CSMD1: variants seen among roughly 807,000 people sequenced by gnomAD.
CSMD1 encodes CUB and Sushi multiple domains 1, also known as CUB and sushi domain-containing protein 1.
CSMD1 carries 213 observed loss-of-function variants against 417.5 expected under a neutral mutation model. The ratio of observed to expected loss-of-function variants is 0.51; its 90% CI spans 0.46 to 0.57. CSMD1 has a LOEUF of 0.57. Among genes scored for constraint, CSMD1 ranks in the 20% least tolerant of loss-of-function variants. The pLI is 0.00. For synonymous variants in CSMD1, 2,862 were observed against 1,736.8 expected, an observed-to-expected ratio of 1.65 and a Z score of -16.11; for missense variants, 6,923 against 4,529.7, an observed-to-expected ratio of 1.53 and a Z score of -15.17.
intron 6 of CSMD1, among the ~76,000 whole-genome samples, chr8:3,745,144 CA>C (rs1182508521): frequency 2.0e-5 from 3 of 152,194 alleles, no homozygotes; most frequent in Non-Finnish European, 2.9e-5. Flanking sequence ...ACTTTCAAAA[CA>C]AATTTCAAAA....
intron 10 of CSMD1, among the ~76,000 whole-genome samples, chr8:3,510,474 T>A (rs1797018398): frequency 6.6e-6 from 1 of 151,834 alleles, no homozygotes; most frequent in Non-Finnish European, 1.5e-5. Flanking sequence ...CTCAATATCA[T>A]CTTACAGGGT....
chr8:3,146,035 G>A (rs1232063288), intron 40 of CSMD1, among the ~76,000 whole-genome samples: 2 of 152,166 alleles, frequency 1.3e-5, no homozygotes, highest in Non-Finnish European at 2.9e-5. Context: ...CCTTCTGTGT[G>A]TAATAAAATA....
chr8:4,131,814 C>G (rs1271484463), intron 3 of CSMD1, among the ~76,000 whole-genome samples: 4 of 121,084 alleles, frequency 3.3e-5, no homozygotes, highest in East Asian at 5.3e-4. Context: ...CCAGGCTGGA[C>G]TGCAGTGGTG....
chr8:4,529,139 G>C (rs907200340), intron 2 of CSMD1, among the ~76,000 whole-genome samples: 2 of 152,140 alleles, frequency 1.3e-5, no homozygotes, highest in African/African-American at 4.8e-5. Context: ...GATTCTCAAA[G>C]TATGTTCCAG....
At chr8:4,733,025 A>G (rs201865290) in intron 1 of CSMD1, among the ~76,000 whole-genome samples, 2 of 36,126 alleles carry the variant, frequency 5.5e-5, no homozygotes, top group South Asian at 1.0e-3. Context: ...GTTTCTTTGG[A>G]AAAAAAAAAA....
At chr8:4,114,151 T>C (rs751366478) in intron 3 of CSMD1, among the ~76,000 whole-genome samples, 18 of 152,204 alleles carry the variant, frequency 1.2e-4, no homozygotes, top group Non-Finnish European at 1.6e-4. Context: ...AATGCTTGGC[T>C]TAAAAACTTC....
At chr8:4,208,760 A>T (rs969512425) in intron 3 of CSMD1, among the ~76,000 whole-genome samples, 2 of 152,236 alleles carry the variant, frequency 1.3e-5, no homozygotes, top group South Asian at 4.1e-4. Context: ...ATTGTCGTGG[A>T]AATTTTGTAT....
chr8:3,378,862 C>G (rs1485053154), intron 18 of CSMD1, among the ~76,000 whole-genome samples: 1 of 152,182 alleles, frequency 6.6e-6, no homozygotes, highest in Non-Finnish European at 1.5e-5. Context: ...TTTCTCACCA[C>G]TCCTATTCAA....
At position 4,752,054 on chromosome 8, in the gene CSMD1, T is replaced by C. The variant is rs1811367552; in HGVS notation, c.86-114496A>G. Among the ~76,000 whole-genome samples, 3 of 151,722 alleles carry C rather than the reference T, an allele frequency of 2.0e-5. No homozygotes were observed. In the South Asian group the frequency reaches 6.3e-4, roughly 32 times the overall value. ...TATGTATATGCAAACTGTGTATATA[T>C]TAATACAAAAACATATGTATATTCA... On this transcript the variant is annotated intron_variant, in intron 1 of 69. Coordinates refer to ENST00000635120, the MANE Select transcript of CSMD1 (RefSeq NM_033225.6).
chr8:4,966,762 A>C (rs1463713107), intron 1 of CSMD1, among the ~76,000 whole-genome samples: 1 of 152,214 alleles, frequency 6.6e-6, no homozygotes, highest in Non-Finnish European at 1.5e-5. Flanking sequence ...CATGTGTCTT[A>C]ATTTAAAATA....
chr8:3,235,736 T>C (rs1799110648), intron 26 of CSMD1, among the ~76,000 whole-genome samples: 1 of 152,134 alleles, frequency 6.6e-6, no homozygotes, highest in Non-Finnish European at 1.5e-5. Flanking sequence ...TAATATTCTA[T>C]TCATTTTTGA....
At chr8:4,568,174 A>G (rs1798706082) in intron 2 of CSMD1, among the ~76,000 whole-genome samples, 1 of 152,198 alleles carries the variant, frequency 6.6e-6, no homozygotes, top group African/African-American at 2.4e-5. Context: ...GTTATGGGAT[A>G]CATGTGCAGA....
At chr8:4,671,098 G>A (rs149925954) in intron 1 of CSMD1, among the ~76,000 whole-genome samples, 11 of 152,286 alleles carry the variant, frequency 7.2e-5, no homozygotes, top group Non-Finnish European at 1.5e-4. Context: ...TGAATCTGTG[G>A]CTTGAAAAAC....
intron 2 of CSMD1, among the ~76,000 whole-genome samples, chr8:4,625,444 G>A (rs1802040448): frequency 6.6e-6 from 1 of 151,928 alleles, no homozygotes; most frequent in African/African-American, 2.4e-5. Flanking sequence ...ATTTTAATGA[G>A]TCTACATTTA....
intron 3 of CSMD1, among the ~76,000 whole-genome samples, chr8:4,116,823 T>C (rs1802179020): frequency 1.6e-5 from 2 of 128,928 alleles, no homozygotes; most frequent in Non-Finnish European, 3.4e-5. Context: ...AAAAATAGGG[T>C]CTATTAAAAA....
At chr8:3,843,105 T>C (rs1261943072) in intron 5 of CSMD1, among the ~76,000 whole-genome samples, 1 of 152,170 alleles carries the variant, frequency 6.6e-6, no homozygotes, top group South Asian at 2.1e-4. Context: ...TATTTATTCT[T>C]TAGAGAGTTT....
intron 21 of CSMD1, among the ~76,000 whole-genome samples, chr8:3,355,046 G>A (rs543685282): frequency 2.6e-4 from 39 of 149,350 alleles, no homozygotes; most frequent in Middle Eastern, 3.5e-3. Flanking sequence ...CTATGCTGTC[G>A]GAAATAACTT....
chr8:4,094,467 A>C (rs994157644), intron 3 of CSMD1, among the ~76,000 whole-genome samples: 1 of 152,162 alleles, frequency 6.6e-6, no homozygotes, highest in Non-Finnish European at 1.5e-5. Flanking sequence ...GAGGAATCGA[A>C]GATGATGCCT....
intron 49 of CSMD1, among the ~76,000 whole-genome samples, chr8:3,072,294 C>T (rs965055543): frequency 1.2e-4 from 18 of 152,014 alleles, no homozygotes; most frequent in African/African-American, 3.6e-4. Flanking sequence ...AGTATGGAAC[C>T]GAAGAATATA....
Sources: gnomAD v4.1 joint callset for allele counts (sites outside exome capture counted in the v4.1 genomes callset) on GRCh38, gnomAD v4.1.1 for gene constraint, MANE v1.5 for transcripts, NCBI Gene and HGNC (gene_info 2026-07-23, HGNC 2026-07-21) for gene names.